The following AP3B1 variants were observed in gnomAD, a reference collection of about 807,000 sequenced individuals.
The protein encoded by AP3B1 is AP-3 complex subunit beta-1.
AP3B1 carries 61 observed loss-of-function variants against 132.5 expected under a neutral mutation model. The ratio of observed to expected loss-of-function variants is 0.46; its 90% CI spans 0.37 to 0.57. The LOEUF (loss-of-function observed/expected upper bound fraction) is 0.57, where lower values mean the gene tolerates loss of function less well. Ranked by LOEUF, AP3B1 falls within the 20% of genes least tolerant of loss-of-function variation. The probability of loss-of-function intolerance (pLI) is 0.00; values close to 1 mark genes in which losing one functional copy is unlikely to be tolerated. For missense variants in AP3B1, 1,120 were observed against 1,289.4 expected (o/e 0.87, Z 2.01); for synonymous variants, 388 against 438.3 (o/e 0.89, Z 1.43).
At chr5:78,096,744 C>A (rs1362625083) in intron 21 of AP3B1, among the ~76,000 whole-genome samples, 2 of 151,662 alleles carry the variant, frequency 1.3e-5, no homozygotes, top group African/African-American at 4.8e-5. Flanking sequence ...GCAACTGCCC[C>A]GTCTGAGAAG....
chr5:78,182,532 AAGAC>A (rs1457652953), intron 7 of AP3B1, among the ~76,000 whole-genome samples: 2 of 152,234 alleles, frequency 1.3e-5, no homozygotes, highest in East Asian at 1.9e-4. Context: ...GATCCAAAGA[AAGAC>A]AGACCAGTGA....
intron 2 of AP3B1, among the ~76,000 whole-genome samples, chr5:78,248,574 A>G (rs1399602142): frequency 1.3e-5 from 2 of 150,918 alleles, no homozygotes; most frequent in African/African-American, 4.9e-5. Context: ...CCACCTCCCC[A>G]CTAGCTTTTA....
chr5:78,031,931 C>T (rs886532436), intron 24 of AP3B1, among the ~76,000 whole-genome samples: 1 of 152,124 alleles, frequency 6.6e-6, no homozygotes, highest in Non-Finnish European at 1.5e-5. Flanking sequence ...GTGTGACTTC[C>T]CACACTGGTT....
chr5:78,035,857 TG>T (rs1463893775), intron 23 of AP3B1, among the ~76,000 whole-genome samples: 3 of 152,120 alleles, frequency 2.0e-5, no homozygotes, highest in Non-Finnish European at 4.4e-5. Context: ...ATGATACATA[TG>T]TTTTTTTCAT....
Position 78,113,836 on chromosome 5 carries a change from C to A in AP3B1, c.2165G>T (p.Ser722Ile), listed in dbSNP as rs748567453. 12 of 1,614,220 alleles carry A rather than the reference C, an allele frequency of 7.4e-6. 1 individual carries two copies. The South Asian group carries it at 1.3e-4, about 18-fold the overall frequency. ...CCGTCCACTCTCACTGTCCTGCTCA[C>A]TGGAGGAGTCCTCACTGCTGTCCTC... The part of the protein sequence containing the change: ...SNEDSSEDSS[S>I]EQDSESGRES... Residue 722 changes from serine (S) to isoleucine (I), a missense_variant, in exon 19 of 27, where the codon AGT becomes ATT. Around this residue, in one of 3 missense-constraint regions of AP3B1, gnomAD observed 906 missense variants for 997.1 expected, o/e 0.91. Coordinates refer to ENST00000255194, the MANE Select transcript of AP3B1 (RefSeq NM_003664.5).
In AP3B1 at chr5:78,031,347, C is replaced by T. The variant is rs114867900; in HGVS notation, c.2894+3014G>A. On this transcript the variant is annotated intron_variant, in intron 24 of 26. Coordinates refer to ENST00000255194, the MANE Select transcript of AP3B1 (RefSeq NM_003664.5). Reference sequence around the variant, plus strand: ...ATGGCCTTTCCTCCCCACCAGCAAACGTGACACTGGCTTTACCCTGGTGGT... The same window carrying T: ...ATGGCCTTTCCTCCCCACCAGCAAATGTGACACTGGCTTTACCCTGGTGGT... Among the ~76,000 whole-genome samples, 842 of 152,280 alleles carry T rather than the reference C, an allele frequency of 5.5e-3. 10 individuals are homozygous for T. Among genetic ancestry groups the T allele is most frequent in the African/African-American group, 0.019 (788 of 41,562 alleles).
chr5:78,096,681 G>A, intron 21 of AP3B1, among the ~76,000 whole-genome samples: 1 of 151,934 alleles, frequency 6.6e-6, no homozygotes, highest in Non-Finnish European at 1.5e-5. Flanking sequence ...TGGGAGGTGA[G>A]GAGCGTCTCT....
At chr5:78,088,503 T>C (rs1750361394) in intron 22 of AP3B1, among the ~76,000 whole-genome samples, 1 of 152,188 alleles carries the variant, frequency 6.6e-6, no homozygotes, top group Non-Finnish European at 1.5e-5. Context: ...GAGGAATTTT[T>C]TCCATAATAA....
chr5:78,080,252 GC>G (rs749914924), intron 22 of AP3B1, among the ~76,000 whole-genome samples: 1 of 151,948 alleles, frequency 6.6e-6, no homozygotes, highest in Non-Finnish European at 1.5e-5. Flanking sequence ...CAAGCAATCC[GC>G]CTGCCTCAGC....
intron 7 of AP3B1, among the ~76,000 whole-genome samples, chr5:78,211,994 T>C (rs1177462354): frequency 2.0e-5 from 3 of 152,164 alleles, no homozygotes; most frequent in East Asian, 1.9e-4. Context: ...TGTAAGAAAG[T>C]ACAGGCCAGG....
chr5:78,129,144 G>T lies in AP3B1; in HGVS notation c.1814C>A (p.Pro605Gln), dbSNP rs374289196. The change falls in exon 16 of 27, where the codon CCA becomes CAA. Residue 605 changes from proline to glutamine, a missense_variant. Physicochemically the swap from Pro to Gln is moderately conservative, Grantham distance 76. Transcript: ENST00000255194. ...KKIFLAQKPA[P>Q]LLESPFKDRD... ...ACCTTTAAAAGGAGACTCAAGCAGT[G>T]GTGCAGGCTTTTGTGCTAGGAATAT... The T allele has an allele frequency of 3.1e-6, 5 of 1,612,782 alleles. No homozygotes were observed. Among genetic ancestry groups the T allele is most frequent in the Non-Finnish European group, 4.2e-6 (5 of 1,179,332 alleles).
intron 22 of AP3B1, among the ~76,000 whole-genome samples, chr5:78,085,027 A>T (rs1750178554): frequency 6.6e-6 from 1 of 150,560 alleles, no homozygotes; most frequent in East Asian, 1.9e-4. Context: ...TTTAGGTTTG[A>T]ACAACCATGC....
chr5:78,229,715 G>A (rs925395836), intron 3 of AP3B1, among the ~76,000 whole-genome samples: 4 of 151,868 alleles, frequency 2.6e-5, no homozygotes, highest in African/African-American at 9.7e-5. Flanking sequence ...CTCCAGCCTG[G>A]GCAACTGGAA....
rs576755308 is a variant in AP3B1, at chr5:78,096,379, C to T, written c.2470+4574G>A. Among the ~76,000 whole-genome samples, 212 of 152,254 alleles carry T rather than the reference C, an allele frequency of 1.4e-3. 2 individuals carry two copies. The highest frequency in any genetic ancestry group is 4.9e-3 in the African/African-American group (205 of 41,556). ...CTCGCTACAACCTCCACCTCCCAGC[C>T]ACCTGCCTTGGCCTCCCAAAGCGTC... On this transcript the variant is annotated intron_variant, in intron 21 of 26. Coordinates refer to ENST00000255194, the MANE Select transcript of AP3B1 (RefSeq NM_003664.5).
At chr5:78,137,520 T>C (rs1315806113) in intron 15 of AP3B1, among the ~76,000 whole-genome samples, 1 of 152,212 alleles carries the variant, frequency 6.6e-6, no homozygotes, top group Non-Finnish European at 1.5e-5. Flanking sequence ...GTCTAGCCAC[T>C]GTGCACAGTG....
chr5:78,290,905 A>G (rs1749485398), intron 1 of AP3B1, among the ~76,000 whole-genome samples: 1 of 152,192 alleles, frequency 6.6e-6, no homozygotes, highest in South Asian at 2.1e-4. Context: ...AGCCATGATC[A>G]CACCACTGCA....
intron 17 of AP3B1, 84 bp from the exon 18 acceptor site, chr5:78,116,318 C>T: frequency 7.9e-7 from 1 of 1,269,672 alleles, no homozygotes; most frequent in Admixed American, 1.8e-5. Context: ...AACAACATAA[C>T]TGAATTCAAA....
chr5:78,100,817 C>T, intron 21 of AP3B1, 136 bp downstream of exon 21: 1 of 564,476 alleles, frequency 1.8e-6, no homozygotes, highest in Non-Finnish European at 3.1e-6. Flanking sequence ...ATTTCCAAAA[C>T]TTTCTTGCCT....
intron 11 of AP3B1, among the ~76,000 whole-genome samples, chr5:78,169,174 T>C (rs1282934786): frequency 2.0e-5 from 3 of 152,178 alleles, no homozygotes; most frequent in Non-Finnish European, 1.5e-5. Flanking sequence ...TAGATTTATA[T>C]TCCTAACTGC....
Sources: gnomAD v4.1 joint callset for allele counts (sites outside exome capture counted in the v4.1 genomes callset) on GRCh38, gnomAD v4.1.1 for gene constraint, gnomAD v4.1.1 regional missense constraint, MANE v1.5 for transcripts, NCBI Gene and HGNC (gene_info 2026-07-23, HGNC 2026-07-21) for gene names.